RAD50: variants seen among roughly 807,000 people sequenced by gnomAD.
The protein encoded by RAD50 is RAD50 double strand break repair protein, also known as DNA repair protein RAD50.
RAD50 carries 132 observed loss-of-function variants against 168.8 expected under a neutral mutation model. That is an observed-to-expected ratio of 0.78 (90% CI 0.68 to 0.90). The LOEUF is 0.90. RAD50 is among the 40% of genes least tolerant of loss of function. The pLI, the probability that RAD50 is intolerant of heterozygous loss-of-function variation, is 0.00. For synonymous variants in RAD50, 525 were observed against 497.4 expected, an observed-to-expected ratio of 1.06 and a Z score of -0.74; for missense variants, 1,347 against 1,534.4, an observed-to-expected ratio of 0.88 and a Z score of 2.04.
chr5:132,579,172 T>A, intron 3 of RAD50, 145 bp from the exon 4 acceptor site: 1 of 773,350 alleles, frequency 1.3e-6, no homozygotes. Flanking sequence ...TTACACTTTT[T>A]AGCATGATGA....
At chr5:132,626,061 G>T (rs1751367430) in intron 21 of RAD50, among the ~76,000 whole-genome samples, 1 of 152,010 alleles carries the variant, frequency 6.6e-6, no homozygotes. Flanking sequence ...GTAGAAACAG[G>T]GTTTTGCCAT....
chr5:132,642,046 C>T, intron 24 of RAD50, 132 bp from the exon 25 acceptor site: 2 of 971,266 alleles, frequency 2.1e-6, no homozygotes, highest in Non-Finnish European at 3.2e-6. Flanking sequence ...CACCCCTCCA[C>T]TTCCTGCAGG....
rs587782440 is a variant in RAD50 at position 132,589,763 on chromosome 5, G to A, written c.1378G>A (p.Val460Met). The A allele has an allele frequency of 3.7e-6, 6 of 1,613,624 alleles. No individual in the cohort carries two copies. Among genetic ancestry groups the A allele is most frequent in the Admixed American group, 1.7e-5 (1 of 59,998 alleles). ...TAAGAAGCAGAATGAGCTGAAAAAT[G>A]TGAAGTATGAATTACAGCAGTTGGA... Reference protein sequence around the residue: ...LSKKQNELKNVKYELQQLEGS... With the variant: ...LSKKQNELKNMKYELQQLEGS... The change falls in exon 9 of 25, where the codon GTG (valine) becomes ATG (methionine). Residue 460 changes from valine to methionine, a missense_variant. By Grantham distance (21) the Val-to-Met change is conservative. Coordinates refer to ENST00000378823, the MANE Select transcript of RAD50 (RefSeq NM_005732.4).
rs786203805 is a variant in RAD50, at chr5:132,616,131, G to T, written c.3164+1G>T. ...AAATGCAGGTTTTGCAAATGAAAAGGTATGCTTTTAAAATAATCTTCAGTT... is the reference window on the plus strand; with the variant it reads ...AAATGCAGGTTTTGCAAATGAAAAGTTATGCTTTTAAAATAATCTTCAGTT... On this transcript the variant is annotated splice_donor_variant, in intron 20 of 24. Transcript: ENST00000378823. LOFTEE classifies it high-confidence loss of function. 1.2e-6 allele frequency: 2 copies of T among 1,611,702 alleles called. No homozygotes were observed. Among genetic ancestry groups the T allele is most frequent in the Admixed American group, 1.7e-5 (1 of 59,934 alleles).
Position 132,557,279 on chromosome 5 carries a change from C to T in RAD50, c.-46C>T. On this transcript the variant is annotated 5_prime_UTR_variant, in exon 1 of 25. Transcript: ENST00000378823. ...CGCCTTGCTTCGGCCTCAGTTAAGC[C>T]TTTGTGGGCTCCAGGTCCCTGGTGA... 3 of 1,608,694 alleles carry T rather than the reference C, an allele frequency of 1.9e-6. No homozygotes were observed. Among genetic ancestry groups the T allele is most frequent in the Non-Finnish European group, 1.7e-6 (2 of 1,174,976 alleles).
At chr5:132,570,997 C>G (rs1381698778) in intron 2 of RAD50, among the ~76,000 whole-genome samples, 1 of 152,120 alleles carries the variant, frequency 6.6e-6, no homozygotes, top group Non-Finnish European at 1.5e-5. Context: ...TATTGTGTCT[C>G]AGGCAATCAG....
At position 132,595,646 on chromosome 5, in the gene RAD50, C is replaced by T. The variant is rs1580997003; in HGVS notation, c.2043C>T (p.Cys681=). 6.2e-7 allele frequency: 1 copy of T among 1,614,118 alleles called. No homozygotes were observed. The highest frequency in any genetic ancestry group is 8.5e-7 in the Non-Finnish European group (1 of 1,179,996). The change falls in exon 13 of 25, where the codon TGC becomes TGT. Residue 681 remains cysteine, a synonymous_variant. Coordinates refer to ENST00000378823, the MANE Select transcript of RAD50 (RefSeq NM_005732.4). ...TQLTDENQSC[C]PVCQRVFQTE... ...TAACAGACGAAAACCAGTCATGTTG[C>T]CCCGTTTGTCAGAGAGTTTTTCAGA...
At chr5:132,602,659 G>A (rs1453888224) in intron 13 of RAD50, among the ~76,000 whole-genome samples, 1 of 152,102 alleles carries the variant, frequency 6.6e-6, no homozygotes, top group Non-Finnish European at 1.5e-5. Context: ...TCCTCCTGAT[G>A]TTAACAATTT....
chr5:132,574,446 C>T (rs1750359684), intron 2 of RAD50, among the ~76,000 whole-genome samples: 1 of 152,214 alleles, frequency 6.6e-6, no homozygotes, highest in Admixed American at 6.5e-5. Context: ...GGGCCTGGCC[C>T]ACGAAACTAT....
intron 2 of RAD50, among the ~76,000 whole-genome samples, chr5:132,565,578 C>T (rs1750193632): frequency 6.6e-6 from 1 of 152,108 alleles, no homozygotes; most frequent in African/African-American, 2.4e-5. Flanking sequence ...CAGGTGGCCT[C>T]TTGCAGGGAT....
At chr5:132,622,436 G>T (rs1410075782) in intron 21 of RAD50, among the ~76,000 whole-genome samples, 1 of 152,146 alleles carries the variant, frequency 6.6e-6, no homozygotes, top group Admixed American at 6.5e-5. Context: ...TAGGATTACA[G>T]ATGCGAGCCA....
intron 23 of RAD50, among the ~76,000 whole-genome samples, chr5:132,639,353 C>CA (rs980327824): frequency 0.26 from 21,663 of 82,418 alleles, 2,010 homozygotes; most frequent in South Asian, 0.33. Flanking sequence ...AACTCCGTCT[C>CA]AAAAAAAAAA....
At chr5:132,604,729 TA>T in intron 15 of RAD50, 76 bp from the exon 16 acceptor site, 2 of 1,265,506 alleles carry the variant, frequency 1.6e-6, no homozygotes, top group African/African-American at 1.5e-5. Flanking sequence ...CATAGACCGA[TA>T]AAAATGGGAA....
At chr5:132,634,523 T>G (rs1337191803) in intron 21 of RAD50, among the ~76,000 whole-genome samples, 1 of 152,148 alleles carries the variant, frequency 6.6e-6, no homozygotes, top group African/African-American at 2.4e-5. Flanking sequence ...TCTCTTTTTT[T>G]CATTTCTCAT....
In RAD50 at chr5:132,591,361, T is replaced by G; in HGVS notation, c.1590T>G (p.His530Gln). 6.2e-7 allele frequency: 1 copy of G among 1,613,924 alleles called. No individual in the cohort carries two copies. The highest frequency in any genetic ancestry group is 8.5e-7 in the Non-Finnish European group (1 of 1,179,914). The part of the protein sequence containing the change: ...KLDQEMEQLN[H>Q]HTTTRTQMEM... ...ACCAGGAGATGGAGCAGTTAAACCA[T>G]CATACAACAACACGTACCCAAATGG... is the stretch of plus-strand genomic sequence containing the variant. Residue 530 changes from histidine to glutamine, a missense_variant, in exon 10 of 25, where the codon CAT (histidine) becomes CAG (glutamine). By Grantham distance (24) the His-to-Gln change is conservative (BLOSUM62 0). Transcript: ENST00000378823.
chr5:132,594,113 C>T (rs1561641799), intron 11 of RAD50, among the ~76,000 whole-genome samples: 1 of 152,120 alleles, frequency 6.6e-6, no homozygotes, highest in Non-Finnish European at 1.5e-5. Context: ...TTTACTGTGA[C>T]TCAGGATGGG....
intron 5 of RAD50, 67 bp downstream of exon 5, chr5:132,580,133 ATATAAG>A: frequency 7.4e-7 from 1 of 1,349,282 alleles, no homozygotes; most frequent in Non-Finnish European, 1.1e-6. Flanking sequence ...TGATGTTTTG[ATATAAG>A]TATACATCGT....
At chr5:132,579,619 C>A in intron 4 of RAD50, 117 bp downstream of exon 4, 2 of 1,072,056 alleles carry the variant, frequency 1.9e-6, no homozygotes, top group East Asian at 2.5e-5. Flanking sequence ...CAGTTACTAC[C>A]TCTCATCCAG....
Position 132,591,403 on chromosome 5 carries a change from C to G in RAD50, c.1632C>G (p.Asp544Glu), listed in dbSNP as rs1554098427. 1 of 1,612,572 alleles carries G rather than the reference C, an allele frequency of 6.2e-7. No individual in the cohort carries two copies. The highest frequency in any genetic ancestry group is 1.7e-4 in the Middle Eastern group (1 of 6,054). The change falls in exon 10 of 25, where the codon GAC becomes GAG. Residue 544 changes from aspartate to glutamate, a missense_variant. By Grantham distance (45) the Asp-to-Glu change is conservative. Coordinates refer to ENST00000378823, the MANE Select transcript of RAD50 (RefSeq NM_005732.4). ...CCCAAATGGAGATGCTGACCAAAGA[C>G]AAAGTATGATTTTTCTTTTTGTTCT... ...TRTQMEMLTK[D>E]KADKDEQIRK...
Sources: gnomAD v4.1 joint callset for allele counts (sites outside exome capture counted in the v4.1 genomes callset) on GRCh38, gnomAD v4.1.1 for gene constraint, MANE v1.5 for transcripts, NCBI Gene and HGNC (gene_info 2026-07-23, HGNC 2026-07-21) for gene names.